RSPH14: variants seen among roughly 807,000 people sequenced by gnomAD.
RSPH14 encodes the protein radial spoke head 14 homolog.
In RSPH14, 20 loss-of-function variants were observed where a neutral mutation model predicts 26.7. The ratio of observed to expected loss-of-function variants is 0.75; its 90% CI spans 0.53 to 1.09. The LOEUF is 1.09. Ranked by LOEUF, RSPH14 falls within the 50% of genes least tolerant of loss-of-function variation. The probability of loss-of-function intolerance (pLI) is 0.00; values close to 1 mark genes in which losing one functional copy is unlikely to be tolerated. For missense variants in RSPH14, 449 were observed against 457.2 expected (o/e 0.98, Z 0.16); for synonymous variants, 177 against 189.3 (o/e 0.93, Z 0.53).
At chr22:23,087,502 G>T (rs529638227) in intron 4 of RSPH14, among the ~76,000 whole-genome samples, 1 of 152,168 alleles carries the variant, frequency 6.6e-6, no homozygotes, top group Non-Finnish European at 1.5e-5. Context: ...CACCTTGCCC[G>T]CTGCCTAGAC....
intron 4 of RSPH14, among the ~76,000 whole-genome samples, chr22:23,065,811 G>T (rs1373915173): frequency 1.3e-5 from 2 of 152,160 alleles, no homozygotes; most frequent in Admixed American, 6.5e-5. Context: ...CCAGCTACAA[G>T]CAAGGGCCTG....
intron 4 of RSPH14, among the ~76,000 whole-genome samples, chr22:23,130,524 G>GAAAGAAAGAAAGAAAGAAAGAAAGA (rs1398375835): frequency 6.6e-6 from 1 of 150,754 alleles, no homozygotes; most frequent in Non-Finnish European, 1.5e-5. Context: ...AAGAAAGAAA[G>GAAAGAAAGAAAGAAAGAAAGAAAGA]AAAGAAAGAG....
chr22:23,086,793 G>A (rs1278960686), intron 4 of RSPH14, among the ~76,000 whole-genome samples: 3 of 152,256 alleles, frequency 2.0e-5, no homozygotes, highest in African/African-American at 7.2e-5. Flanking sequence ...CCCACTGGGT[G>A]GGGCCAGCAT....
upstream of RSPH14, among the ~76,000 whole-genome samples, chr22:23,142,724 G>A (rs1335545167): frequency 1.3e-5 from 2 of 152,208 alleles, no homozygotes; most frequent in Non-Finnish European, 2.9e-5. Flanking sequence ...GCCTGGTAAT[G>A]ACAAAGGTTA....
At chr22:23,084,266 CCTTA>C (rs1221361185) in intron 4 of RSPH14, among the ~76,000 whole-genome samples, 1 of 152,180 alleles carries the variant, frequency 6.6e-6, no homozygotes, top group Non-Finnish European at 1.5e-5. Flanking sequence ...TGAGTAGAAG[CCTTA>C]CTTTGAGTAC....
chr22:23,145,171 A>G (rs924574429), upstream of RSPH14: 22 of 602,996 alleles, frequency 3.6e-5, no homozygotes, highest in Non-Finnish European at 6.2e-5. Flanking sequence ...CGAGCTGATC[A>G]CCAGAACCTG....
intron 4 of RSPH14, among the ~76,000 whole-genome samples, chr22:23,096,851 C>T (rs977030638): frequency 6.6e-6 from 1 of 152,212 alleles, no homozygotes; most frequent in African/African-American, 2.4e-5. Flanking sequence ...ATCCCAGGTC[C>T]TGGTGGAAAG....
chr22:23,159,302 G>A, the RSPH14 span: 4 of 1,514,746 alleles, frequency 2.6e-6, no homozygotes, highest in African/African-American at 5.5e-5. Context: ...CCTGCTCTTG[G>A]GCCAGTCCTG....
At chr22:23,162,897 G>T in the RSPH14 span, 5 of 346,050 alleles carry the variant, frequency 1.4e-5, no homozygotes, top group South Asian at 2.2e-5. Context: ...ATTTTTTGTA[G>T]TTTTTTATAT....
At chr22:23,164,842 A>G in the RSPH14 span, among the ~76,000 whole-genome samples, 1 of 151,958 alleles carries the variant, frequency 6.6e-6, no homozygotes, top group Admixed American at 6.6e-5. Context: ...CTGGCTCCCC[A>G]GGGCTAGGTC....
chr22:23,151,080 T>C, the RSPH14 span, among the ~76,000 whole-genome samples: 1 of 152,106 alleles, frequency 6.6e-6, no homozygotes, highest in African/African-American at 2.4e-5. Flanking sequence ...GCTCAGGGAG[T>C]TGGCTGAGCT....
chr22:23,103,534 G>A (rs374257085), intron 4 of RSPH14, among the ~76,000 whole-genome samples: 8 of 152,248 alleles, frequency 5.3e-5, no homozygotes, highest in South Asian at 2.1e-4. Context: ...TGTTTACCCC[G>A]CTGGAGAAAG....
rs944979090 is a variant in RSPH14 at position 23,064,282 on chromosome 22, C to T, written c.422-149G>A. 3 of 704,808 alleles carry T rather than the reference C, an allele frequency of 4.3e-6. No homozygotes were observed. The African/African-American group carries it at 5.3e-5, about 12-fold the overall frequency. 43.7% of individuals were successfully genotyped at this position (704,808 alleles called of 1,614,324 possible). On this transcript the variant is annotated intron_variant, in intron 4 of 6. Coordinates refer to ENST00000216036, the MANE Select transcript of RSPH14 (RefSeq NM_014433.3). ...CAAGTGCCACCCCCACACACACGTC[C>T]CGCCTGGCCAGGGGCCTGAGCGACC...
At chr22:23,106,303 C>T (rs1269141668) in intron 4 of RSPH14, among the ~76,000 whole-genome samples, 1 of 152,260 alleles carries the variant, frequency 6.6e-6, no homozygotes, top group Non-Finnish European at 1.5e-5. Context: ...TGCTGGAGAA[C>T]AGCAGCCACC....
chr22:23,117,088 G>A (rs891923972), intron 4 of RSPH14, among the ~76,000 whole-genome samples: 8 of 152,170 alleles, frequency 5.3e-5, no homozygotes, highest in Admixed American at 2.0e-4. Context: ...ATCCAGCTGG[G>A]ATGCAGGAAA....
chr22:23,066,591 G>A (rs900258635), intron 4 of RSPH14, among the ~76,000 whole-genome samples: 3 of 152,172 alleles, frequency 2.0e-5, no homozygotes, highest in Admixed American at 1.3e-4. Flanking sequence ...CTTTCTGCTC[G>A]TTCACTTTGC....
intron 4 of RSPH14, among the ~76,000 whole-genome samples, chr22:23,126,433 T>C (rs918218641): frequency 2.6e-5 from 4 of 152,216 alleles, no homozygotes; most frequent in Non-Finnish European, 5.9e-5. Flanking sequence ...TTGCCTAGCA[T>C]GTCCTTCCCC....
intron 4 of RSPH14, chr22:23,123,485 C>G: frequency 3.3e-6 from 4 of 1,207,980 alleles, no homozygotes; most frequent in Non-Finnish European, 4.8e-6. Context: ...GGTGTCATGC[C>G]CCAACGCGTG....
intron 4 of RSPH14, 31 bp downstream of exon 4, chr22:23,133,995 C>G (rs756420234): frequency 1.9e-6 from 3 of 1,548,910 alleles, no homozygotes; most frequent in Admixed American, 3.3e-5. Context: ...CTTGAGTGCC[C>G]GACAGATCTG....
Sources: allele counts gnomAD v4.1 joint callset (sites outside exome capture counted in the v4.1 genomes callset), GRCh38; gene constraint gnomAD v4.1.1; transcripts MANE v1.5; gene names NCBI Gene and HGNC (gene_info 2026-07-23, HGNC 2026-07-21).